The following COMMD1 variants were observed in gnomAD, a reference collection of about 807,000 sequenced individuals.
The protein encoded by COMMD1 is COMM domain-containing protein 1.
Under a neutral mutation model 17.2 loss-of-function variants are expected in COMMD1, and 10 were observed. That is an observed-to-expected ratio of 0.58 (90% confidence interval 0.36 to 0.99). The LOEUF is 0.99. COMMD1 is among the 50% of genes least tolerant of loss of function. The pLI, the probability that COMMD1 is intolerant of heterozygous loss-of-function variation, is 0.01. For synonymous variants in COMMD1, 97 were observed against 91.6 expected (o/e 1.06, Z -0.34); for missense variants, 270 against 231.8 (o/e 1.17, Z -1.07).
intron 2 of COMMD1, among the ~76,000 whole-genome samples, chr2:62,041,666 CG>C (rs1558573963): frequency 6.6e-6 from 1 of 152,158 alleles, no homozygotes; most frequent in Non-Finnish European, 1.5e-5. Flanking sequence ...CTAGTGTGTC[CG>C]GAATTGGTGG....
intron 2 of COMMD1, among the ~76,000 whole-genome samples, chr2:62,107,875 C>T (rs1672359257): frequency 6.6e-6 from 1 of 152,152 alleles, no homozygotes; most frequent in Non-Finnish European, 1.5e-5. Context: ...CTCATAATAG[C>T]TCTCCATTAT....
intron 1 of COMMD1, among the ~76,000 whole-genome samples, chr2:61,933,236 T>C (rs1360136487): frequency 6.6e-6 from 1 of 151,732 alleles, no homozygotes; most frequent in East Asian, 1.9e-4. Context: ...GTATCCACAA[T>C]GCTCAGCCGC....
chr2:62,000,839 G>C lies in COMMD1; in HGVS notation c.319G>C (p.Glu107Gln). The change falls in exon 2 of 3, where the codon GAG becomes CAG. Residue 107 changes from glutamate to glutamine, a missense_variant. By Grantham distance (29) the Glu-to-Gln change is conservative. Coordinates refer to ENST00000311832, the MANE Select transcript of COMMD1 (RefSeq NM_152516.4). ...GAAGAGCCACAAGACAAAAATCCGTGAGAGCCTCATGAACCAGAGCCGCTG... is the reference window on the plus strand; with the variant it reads ...GAAGAGCCACAAGACAAAAATCCGTCAGAGCCTCATGAACCAGAGCCGCTG... Reference protein sequence around the residue: ...FWKSHKTKIRESLMNQSRWNS... With the variant: ...FWKSHKTKIRQSLMNQSRWNS... The C allele has an allele frequency of 6.2e-7, 1 of 1,614,138 alleles. No homozygotes were observed. Among genetic ancestry groups the C allele is most frequent in the South Asian group, 1.1e-5 (1 of 91,084 alleles).
chr2:61,955,748 C>T (rs867315379), intron 1 of COMMD1, among the ~76,000 whole-genome samples: 2 of 152,074 alleles, frequency 1.3e-5, no homozygotes, highest in South Asian at 2.1e-4. Context: ...TGTGACGGCA[C>T]GACCTCGGCT....
At chr2:62,051,503 TCTC>T (rs1436080397) in intron 2 of COMMD1, among the ~76,000 whole-genome samples, 2 of 152,206 alleles carry the variant, frequency 1.3e-5, no homozygotes, top group Non-Finnish European at 2.9e-5. Flanking sequence ...CAAACTTTCT[TCTC>T]CTCATCTTTG....
intron 1 of COMMD1, among the ~76,000 whole-genome samples, chr2:61,897,082 A>G (rs1236523766): frequency 6.6e-6 from 1 of 152,090 alleles, no homozygotes; most frequent in Non-Finnish European, 1.5e-5. Context: ...CACCCACCTC[A>G]GCCTCCCAAA....
chr2:62,075,286 T>A (rs778559942), intron 2 of COMMD1, among the ~76,000 whole-genome samples: 133 of 152,090 alleles, frequency 8.7e-4, no homozygotes, highest in Non-Finnish European at 1.7e-3. Context: ...TTAAAAAAAA[T>A]AAAAACATCA....
intron 1 of COMMD1, among the ~76,000 whole-genome samples, chr2:61,937,123 T>C (rs1463606939): frequency 6.6e-6 from 1 of 152,222 alleles, no homozygotes; most frequent in East Asian, 1.9e-4. Context: ...AGCAAGGTTT[T>C]ATCCTGCAGA....
rs140500615 is a variant in COMMD1 at position 61,992,698 on chromosome 2, A to G, written c.181-8003A>G. ...CTTAATGCGAACAGCACTCCCTCCA[A>G]TCACTGTGAAACCAAATGTAGCCTC... On this transcript the variant is annotated intron_variant, in intron 1 of 2. Coordinates refer to ENST00000311832, the MANE Select transcript of COMMD1 (RefSeq NM_152516.4). 9.2e-5 allele frequency among the ~76,000 whole-genome samples: 14 copies of G among 152,228 alleles called. No homozygotes were observed. The East Asian group carries it at 2.5e-3, about 27-fold the overall frequency.
At chr2:61,941,831 C>T (rs1193477707) in intron 1 of COMMD1, among the ~76,000 whole-genome samples, 1 of 152,146 alleles carries the variant, frequency 6.6e-6, no homozygotes, top group Non-Finnish European at 1.5e-5. Flanking sequence ...AAAAGTTTCT[C>T]CAGAATCTGA....
chr2:61,905,763 G>A lies in COMMD1; in HGVS notation c.85G>A (p.Gly29Ser). Residue 29 changes from glycine (G) to serine (S), a missense_variant, in exon 1 of 3, where the codon GGC becomes AGC. Coordinates refer to ENST00000311832, the MANE Select transcript of COMMD1 (RefSeq NM_152516.4). ...LAQDTFHGYP[G>S]ITEELLRSQL... ...CCAGGACACTTTCCACGGGTACCCCGGCATCACAGAGGAGCTGCTACGGAG... is the reference window on the plus strand; with the variant it reads ...CCAGGACACTTTCCACGGGTACCCCAGCATCACAGAGGAGCTGCTACGGAG... The A allele has an allele frequency of 6.2e-7, 1 of 1,614,110 alleles. No individual in the cohort carries two copies. The highest frequency in any genetic ancestry group is 8.5e-7 in the Non-Finnish European group (1 of 1,179,998).
At chr2:62,091,547 G>A (rs1220116456) in intron 2 of COMMD1, among the ~76,000 whole-genome samples, 4 of 152,320 alleles carry the variant, frequency 2.6e-5, no homozygotes, top group Non-Finnish European at 5.9e-5. Flanking sequence ...GTACATCTAA[G>A]TATGCCCATG....
chr2:61,916,150 A>G (rs948721475), intron 1 of COMMD1, among the ~76,000 whole-genome samples: 1 of 151,866 alleles, frequency 6.6e-6, no homozygotes, highest in African/African-American at 2.4e-5. Context: ...CTTTGTAGAG[A>G]TGGGTTTCAC....
At chr2:62,098,989 G>T (rs1468408839) in intron 2 of COMMD1, among the ~76,000 whole-genome samples, 1 of 152,168 alleles carries the variant, frequency 6.6e-6, no homozygotes. Flanking sequence ...CTCTGATTTG[G>T]TCCAGGGGCT....
intron 1 of COMMD1, among the ~76,000 whole-genome samples, chr2:61,958,330 G>T (rs529837179): frequency 3.3e-5 from 5 of 150,962 alleles, no homozygotes; most frequent in Non-Finnish European, 7.4e-5. Context: ...GCAGGGGCGC[G>T]ATCTCAGCTC....
intron 1 of COMMD1, among the ~76,000 whole-genome samples, chr2:61,991,467 C>T (rs866126328): frequency 3.3e-5 from 5 of 152,066 alleles, no homozygotes; most frequent in African/African-American, 1.2e-4. Flanking sequence ...ATACATAGAC[C>T]CTGCTCTCAA....
At chr2:62,069,466 G>A (rs1385887565) in intron 2 of COMMD1, 1 of 152,142 alleles carries the variant, frequency 6.6e-6, no homozygotes, top group Non-Finnish European at 1.5e-5. Context: ...ATTAGGGCCA[G>A]GCACTTTATT....
chr2:61,915,181 T>C (rs1670017692), intron 1 of COMMD1, among the ~76,000 whole-genome samples: 1 of 151,928 alleles, frequency 6.6e-6, no homozygotes, highest in Admixed American at 6.6e-5. Flanking sequence ...AATTTTTGTA[T>C]TTTTAGTAGA....
intron 2 of COMMD1, among the ~76,000 whole-genome samples, chr2:62,025,255 G>A (rs1054810587): frequency 3.3e-5 from 5 of 151,240 alleles, no homozygotes; most frequent in African/African-American, 9.7e-5. Flanking sequence ...AAACCAGGCT[G>A]GGTACGGTGG....
Sources: gnomAD v4.1 joint callset for allele counts (sites outside exome capture counted in the v4.1 genomes callset) on GRCh38, gnomAD v4.1.1 for gene constraint, MANE v1.5 for transcripts, NCBI Gene and HGNC (gene_info 2026-07-23, HGNC 2026-07-21) for gene names.